STARD13: variants seen among roughly 807,000 people sequenced by gnomAD.
The protein encoded by STARD13 is stAR-related lipid transfer protein 13.
Under a neutral mutation model 106.4 loss-of-function variants are expected in STARD13, and 62 were observed. The observed-to-expected ratio is 0.58, with a 90% CI of 0.48 to 0.72. The LOEUF (loss-of-function observed/expected upper bound fraction) is 0.72, where lower values mean the gene tolerates loss of function less well. Ranked by LOEUF, STARD13 falls within the 30% of genes least tolerant of loss-of-function variation. STARD13 has a pLI of 0.00. For missense variants in STARD13, 1,387 were observed against 1,424.0 expected, an observed-to-expected ratio of 0.97 and a Z score of 0.42; for synonymous variants, 565 against 553.0, an observed-to-expected ratio of 1.02 and a Z score of -0.31.
At chr13:33,442,366 A>T in the STARD13 span, among the ~76,000 whole-genome samples, 12 of 152,218 alleles carry the variant, frequency 7.9e-5, no homozygotes, top group Non-Finnish European at 1.5e-4. Flanking sequence ...TAATAATAAT[A>T]AATAATCCTT....
the STARD13 span, among the ~76,000 whole-genome samples, chr13:33,444,020 T>A: frequency 6.6e-6 from 1 of 152,178 alleles, no homozygotes; most frequent in Non-Finnish European, 1.5e-5. Context: ...GAGATTATAG[T>A]TAGCTCTATA....
the STARD13 span, among the ~76,000 whole-genome samples, chr13:33,626,136 C>G: frequency 2.0e-5 from 3 of 151,952 alleles, no homozygotes; most frequent in African/African-American, 7.2e-5. Flanking sequence ...CAGAAACACA[C>G]ACACACACAT....
the STARD13 span, chr13:33,524,332 T>G: frequency 7.5e-6 from 9 of 1,194,236 alleles, no homozygotes; most frequent in South Asian, 1.2e-4. Flanking sequence ...TCCTTTCTTC[T>G]GATGATTTTT....
At chr13:33,160,097 CA>C (rs1882446079) in intron 3 of STARD13, among the ~76,000 whole-genome samples, 1 of 152,108 alleles carries the variant, frequency 6.6e-6, no homozygotes, top group African/African-American at 2.4e-5. Flanking sequence ...GTAATCAAGA[CA>C]GTGTCACATT....
chr13:33,143,330 G>A lies in STARD13; in HGVS notation c.324-957C>T, dbSNP rs186493016. The stretch of plus-strand genomic sequence containing the variant: ...CCCCTCTTTCTGACTTCTATCATCC[G>A]TAGATTAGTTTTGCTTCTTCTTGGT... On this transcript the variant is annotated intron_variant, in intron 3 of 13. Coordinates refer to ENST00000336934, the MANE Select transcript of STARD13 (RefSeq NM_178006.4). Among the ~76,000 whole-genome samples the A allele has an allele frequency of 6.7e-4, 102 of 152,074 alleles. 1 individual carries two copies. Among genetic ancestry groups the A allele is most frequent in the African/African-American group, 2.1e-3 (87 of 41,478 alleles).
the STARD13 span, among the ~76,000 whole-genome samples, chr13:33,590,707 G>A: frequency 1.1e-3 from 124 of 117,794 alleles, 1 homozygote; most frequent in Non-Finnish European, 1.8e-3. Flanking sequence ...CATGGGGTGG[G>A]GGGAGGGGGG....
chr13:33,498,525 G>A, the STARD13 span, among the ~76,000 whole-genome samples: 1 of 152,174 alleles, frequency 6.6e-6, no homozygotes, highest in South Asian at 2.1e-4. Context: ...GATTAGCTTT[G>A]GGTAGAAAAG....
At chr13:33,273,541 C>G (rs926863720) in intron 1 of STARD13, among the ~76,000 whole-genome samples, 1 of 152,094 alleles carries the variant, frequency 6.6e-6, no homozygotes. Flanking sequence ...AGATTTTAGT[C>G]CATTAAACTC....
chr13:33,616,994 G>C, the STARD13 span, among the ~76,000 whole-genome samples: 1 of 152,162 alleles, frequency 6.6e-6, no homozygotes, highest in African/African-American at 2.4e-5. Context: ...AGATAATGAG[G>C]ATAGGGTACA....
chr13:33,652,483 C>T, the STARD13 span, among the ~76,000 whole-genome samples: 1 of 152,028 alleles, frequency 6.6e-6, no homozygotes, highest in Admixed American at 6.5e-5. Flanking sequence ...GTAATTTTTC[C>T]CCATACATTT....
chr13:33,260,159 G>T (rs1278112396), intron 1 of STARD13, among the ~76,000 whole-genome samples: 3 of 152,198 alleles, frequency 2.0e-5, no homozygotes, highest in Non-Finnish European at 4.4e-5. Context: ...GCCTGGTGGA[G>T]CCTGGGTTTT....
chr13:33,610,026 G>A, the STARD13 span, among the ~76,000 whole-genome samples: 1 of 151,876 alleles, frequency 6.6e-6, no homozygotes, highest in Non-Finnish European at 1.5e-5. Flanking sequence ...TGTTTTTATT[G>A]AAAAGTTTAT....
chr13:33,388,640 T>C, the STARD13 span, among the ~76,000 whole-genome samples: 1 of 152,230 alleles, frequency 6.6e-6, no homozygotes. Flanking sequence ...GCTGCTGCCC[T>C]GCATTGCTAA....
chr13:33,536,972 A>G, the STARD13 span, among the ~76,000 whole-genome samples: 1 of 152,198 alleles, frequency 6.6e-6, no homozygotes, highest in Non-Finnish European at 1.5e-5. Context: ...ATTTTATTCC[A>G]CATTAAATAA....
At chr13:33,638,600 G>T in the STARD13 span, among the ~76,000 whole-genome samples, 2 of 152,302 alleles carry the variant, frequency 1.3e-5, no homozygotes, top group East Asian at 3.9e-4. Context: ...GCTTCAGAGA[G>T]AATAGATTGT....
In STARD13 at chr13:33,126,158, C is replaced by T. The variant is rs773424064; in HGVS notation, c.2005G>A (p.Val669Ile). 41 of 1,614,134 alleles carry T rather than the reference C, an allele frequency of 2.5e-5. 1 individual carries two copies. The highest frequency in any genetic ancestry group is 1.2e-4 in the South Asian group (11 of 91,082). Residue 669 changes from valine to isoleucine, a missense_variant, in exon 7 of 14, where the codon GTC (valine) becomes ATC (isoleucine). Transcript: ENST00000336934. ...GGCAGGGGCTGTCCCGTTCTTTGGACGTGGACTATGAGAGGAACGCCAAAG... is the reference window on the plus strand; with the variant it reads ...GGCAGGGGCTGTCCCGTTCTTTGGATGTGGACTATGAGAGGAACGCCAAAG... ...AVFGVPLIVH[V>I]QRTGQPLPQS...
the STARD13 span, among the ~76,000 whole-genome samples, chr13:33,454,290 T>C: frequency 6.6e-6 from 1 of 152,214 alleles, no homozygotes; most frequent in Admixed American, 6.5e-5. Context: ...CTAAGCTTTC[T>C]TGGAACTGCA....
the STARD13 span, among the ~76,000 whole-genome samples, chr13:33,457,693 G>A: frequency 1.2e-4 from 18 of 152,120 alleles, no homozygotes; most frequent in East Asian, 3.9e-4. Flanking sequence ...CCCATTTCCC[G>A]GTTTATCTTT....
chr13:33,232,704 C>A (rs1212445500), intron 1 of STARD13, among the ~76,000 whole-genome samples: 1 of 152,196 alleles, frequency 6.6e-6, no homozygotes, highest in African/African-American at 2.4e-5. Context: ...GAAATTGACC[C>A]TCTGAATTAA....
Sources: gnomAD v4.1 joint callset for allele counts (sites outside exome capture counted in the v4.1 genomes callset) on GRCh38, gnomAD v4.1.1 for gene constraint, MANE v1.5 for transcripts, NCBI Gene and HGNC (gene_info 2026-07-23, HGNC 2026-07-21) for gene names.